Variants in PCSK5 observed in about 807,000 individuals in gnomAD.
The protein encoded by PCSK5 is proprotein convertase subtilisin/kexin type 5.
A neutral mutation model predicts 233.2 loss-of-function variants in PCSK5; 129 were observed. The ratio of observed to expected loss-of-function variants is 0.55; its 90% CI spans 0.48 to 0.64. The LOEUF (loss-of-function observed/expected upper bound fraction) is 0.64, where lower values mean the gene tolerates loss of function less well. Among genes scored for constraint, PCSK5 ranks in the 30% least tolerant of loss-of-function variants. The pLI, the probability that PCSK5 is intolerant of heterozygous loss-of-function variation, is 0.00. For synonymous variants in PCSK5, 825 were observed against 879.2 expected, an observed-to-expected ratio of 0.94 and a Z score of 1.09; for missense variants, 2,076 against 2,430.1, an observed-to-expected ratio of 0.85 and a Z score of 3.06.
At chr9:76,230,621 G>A (rs1826049981) in intron 21 of PCSK5, among the ~76,000 whole-genome samples, 2 of 152,202 alleles carry the variant, frequency 1.3e-5, no homozygotes, top group Non-Finnish European at 2.9e-5. Context: ...GTGAGCAAGT[G>A]AAGCCTCGTC....
chr9:75,990,089 G>C (rs1826701115), intron 3 of PCSK5, among the ~76,000 whole-genome samples: 1 of 152,180 alleles, frequency 6.6e-6, no homozygotes, highest in South Asian at 2.1e-4. Context: ...AAAGAAAGGT[G>C]AGATCCCATG....
intron 24 of PCSK5, among the ~76,000 whole-genome samples, chr9:76,273,597 T>TATATA (rs1827600498): frequency 2.9e-5 from 3 of 105,130 alleles, no homozygotes; most frequent in Admixed American, 9.2e-5. Context: ...ATATATATAT[T>TATATA]TGTACTGCTT....
chr9:76,340,234 G>A (rs1351909077), intron 35 of PCSK5, among the ~76,000 whole-genome samples: 3 of 152,106 alleles, frequency 2.0e-5, no homozygotes, highest in Non-Finnish European at 4.4e-5. Context: ...TGTATCCCTT[G>A]TTTCTACTCT....
At chr9:76,348,940 TA>T (rs1830046470) in intron 35 of PCSK5, among the ~76,000 whole-genome samples, 1 of 152,074 alleles carries the variant, frequency 6.6e-6, no homozygotes, top group South Asian at 2.1e-4. Context: ...TCTTGTATGT[TA>T]AAAATTGAAG....
chr9:76,355,560 A>G (rs1165569685), intron 37 of PCSK5, among the ~76,000 whole-genome samples: 3 of 152,230 alleles, frequency 2.0e-5, no homozygotes, highest in Non-Finnish European at 4.4e-5. Context: ...CTTGGGGTTC[A>G]GAAGTGACAT....
intron 6 of PCSK5, 137 bp from the exon 7 acceptor site, chr9:76,071,589 C>T: frequency 1.4e-6 from 1 of 709,430 alleles, no homozygotes; most frequent in Non-Finnish European, 2.3e-6. Context: ...ATACATTATC[C>T]TTTTGCTGGG....
intron 2 of PCSK5, among the ~76,000 whole-genome samples, chr9:75,936,303 A>G (rs768306825): frequency 1.3e-5 from 2 of 152,186 alleles, no homozygotes; most frequent in African/African-American, 2.4e-5. Flanking sequence ...AATTTGCCAT[A>G]TCAGTTGACT....
At chr9:76,026,137 G>C (rs1023293832) in intron 4 of PCSK5, among the ~76,000 whole-genome samples, 2 of 151,676 alleles carry the variant, frequency 1.3e-5, no homozygotes, top group African/African-American at 4.8e-5. Context: ...AAAATTGAAA[G>C]CATATTAAAT....
At chr9:76,093,850 A>C (rs893366538) in intron 7 of PCSK5, among the ~76,000 whole-genome samples, 1 of 152,176 alleles carries the variant, frequency 6.6e-6, no homozygotes, top group Admixed American at 6.5e-5. Flanking sequence ...AGGTCTAGAC[A>C]GGAGTCCATC....
chr9:76,308,751 G>T, intron 29 of PCSK5, 23 bp downstream of exon 29: 1 of 1,509,710 alleles, frequency 6.6e-7, no homozygotes, highest in Non-Finnish European at 9.2e-7. Flanking sequence ...CGTGACAGAA[G>T]ATGGCAGCAG....
At chr9:76,239,188 G>C in intron 23 of PCSK5, 23 bp downstream of exon 23, 1 of 1,546,420 alleles carries the variant, frequency 6.5e-7, no homozygotes, top group Non-Finnish European at 8.8e-7. Context: ...CTGGGCCCTT[G>C]CCCAGCACCC....
At chr9:76,261,416 T>C (rs1006536099) in intron 24 of PCSK5, among the ~76,000 whole-genome samples, 2 of 152,142 alleles carry the variant, frequency 1.3e-5, no homozygotes, top group African/African-American at 4.8e-5. Flanking sequence ...AAAATGACTC[T>C]GGTAAAGCTG....
chr9:75,907,415 G>C (rs1268493442), intron 1 of PCSK5, among the ~76,000 whole-genome samples: 1 of 152,160 alleles, frequency 6.6e-6, no homozygotes, highest in African/African-American at 2.4e-5. Flanking sequence ...CTATAAAGGG[G>C]TATGGTAAAA....
upstream of PCSK5, among the ~76,000 whole-genome samples, chr9:75,889,989 T>C (rs1350002336): frequency 6.6e-6 from 1 of 152,228 alleles, no homozygotes; most frequent in African/African-American, 2.4e-5. Flanking sequence ...AATGGAGTTA[T>C]TTCCTTGGCC....
chr9:76,262,917 A>C (rs1387208056), intron 24 of PCSK5, among the ~76,000 whole-genome samples: 1 of 151,834 alleles, frequency 6.6e-6, no homozygotes. Flanking sequence ...CAATGAACTC[A>C]AACAAATTTA....
intron 27 of PCSK5, among the ~76,000 whole-genome samples, chr9:76,297,735 G>T (rs1169879842): frequency 6.6e-6 from 1 of 152,170 alleles, no homozygotes; most frequent in Admixed American, 6.5e-5. Context: ...TTGTTAAAAG[G>T]GTCACTTCGG....
chr9:76,001,554 A>G (rs1827264708), intron 3 of PCSK5, among the ~76,000 whole-genome samples: 1 of 145,530 alleles, frequency 6.9e-6, no homozygotes, highest in South Asian at 2.1e-4. Flanking sequence ...TTCCAACGAT[A>G]TGCATTACTC....
chr9:76,275,053 G>A lies in PCSK5; in HGVS notation c.3143-17180G>A, dbSNP rs547520181. Among the ~76,000 whole-genome samples, 4 of 152,120 alleles carry A rather than the reference G, an allele frequency of 2.6e-5. No individual in the cohort carries two copies. In the South Asian group the frequency reaches 8.3e-4, roughly 32 times the overall value. ...CCATGCATGAAGGATCCACCCATAT[G>A]ACCCAAACACCTCTCATTAGGTCCT... On this transcript the variant is annotated intron_variant, in intron 24 of 37. Coordinates refer to ENST00000674117, the MANE Select transcript of PCSK5 (RefSeq NM_001372043.1).
intron 24 of PCSK5, among the ~76,000 whole-genome samples, chr9:76,262,713 A>G (rs1191577123): frequency 6.6e-6 from 1 of 151,134 alleles, no homozygotes; most frequent in Non-Finnish European, 1.5e-5. Context: ...GGACATAGGC[A>G]TGGGCAAGGA....
Sources: allele counts gnomAD v4.1 joint callset (sites outside exome capture counted in the v4.1 genomes callset), GRCh38; gene constraint gnomAD v4.1.1; transcripts MANE v1.5; gene names NCBI Gene and HGNC (gene_info 2026-07-23, HGNC 2026-07-21).